DNAH8: variants seen among roughly 807,000 people sequenced by gnomAD.
DNAH8 encodes axonemal beta dynein heavy chain 8.
A neutral mutation model predicts 562.1 loss-of-function variants in DNAH8; 382 were observed. The observed-to-expected ratio is 0.68, with a 90% CI of 0.63 to 0.74. The LOEUF (loss-of-function observed/expected upper bound fraction) is 0.74, where lower values mean the gene tolerates loss of function less well. Among genes scored for constraint, DNAH8 ranks in the 30% least tolerant of loss-of-function variants. The pLI is 0.00. For missense variants in DNAH8, 5,203 were observed against 5,620.4 expected, an observed-to-expected ratio of 0.93 and a Z score of 2.37; for synonymous variants, 1,881 against 1,919.4, an observed-to-expected ratio of 0.98 and a Z score of 0.52.
chr6:38,982,350 G>C lies in DNAH8; in HGVS notation c.12839G>C (p.Arg4280Pro), dbSNP rs749782079. ...VAFLHSTVQERRKFGPLGWNI... is the reference protein window; with the variant it reads ...VAFLHSTVQEPRKFGPLGWNI... The stretch of plus-strand genomic sequence containing the variant: ...CTTTTCTTTGGTGTTTTTAAGGAGC[G>C]ACGAAAATTTGGCCCCTTAGGATGG... The change falls in exon 86 of 93, where the codon CGA (arginine) becomes CCA (proline). Residue 4280 changes from arginine to proline, a missense_variant. Physicochemically the swap from Arg to Pro is moderately radical, Grantham distance 103. Coordinates refer to ENST00000327475, the MANE Select transcript of DNAH8 (RefSeq NM_001206927.2). 6.4e-7 allele frequency: 1 copy of C among 1,554,102 alleles called. No homozygotes were observed. Among genetic ancestry groups the C allele is most frequent in the East Asian group, 2.2e-5 (1 of 44,518 alleles).
chr6:38,750,663 G>T lies in DNAH8; in HGVS notation c.1407+74G>T, dbSNP rs563167333. 2.2e-5 allele frequency: 20 copies of T among 926,956 alleles called. No homozygotes were observed. The South Asian group carries it at 2.9e-4, about 13-fold the overall frequency. 57.4% of individuals were successfully genotyped at this position (926,956 alleles called of 1,614,324 possible). On this transcript the variant is annotated intron_variant, in intron 9 of 92. Transcript: ENST00000327475. ...ATCTGTGATTCTAGCTACTCAGAAG[G>T]CTGAGGTGGAAGGATCGCTTGAGCC...
rs888196252 is a variant in DNAH8, at chr6:38,786,803, G to A, written c.2434G>A (p.Gly812Arg). 7 of 1,612,310 alleles carry A rather than the reference G, an allele frequency of 4.3e-6. No homozygotes were observed. Among genetic ancestry groups the A allele is most frequent in the African/African-American group, 1.3e-5 (1 of 74,832 alleles). Residue 812 changes from glycine (G) to arginine (R), a missense_variant, in exon 18 of 93, where the codon GGG becomes AGG. Physicochemically the swap from Gly to Arg is moderately radical, Grantham distance 125. Coordinates refer to ENST00000327475, the MANE Select transcript of DNAH8 (RefSeq NM_001206927.2). ...ATLFVRHPETGKLLVNFDPKI... is the reference protein window; with the variant it reads ...ATLFVRHPETRKLLVNFDPKI... ...GCTTTTTGTGCGACATCCAGAAACA[G>A]GGAAGTTGCTGGTTAATTTCGATCC...
chr6:38,841,667 T>G (rs1382018978), intron 33 of DNAH8, among the ~76,000 whole-genome samples: 2 of 152,188 alleles, frequency 1.3e-5, no homozygotes, highest in Non-Finnish European at 2.9e-5. Flanking sequence ...GAATTTTCCT[T>G]TACTTGGACC....
chr6:38,796,293 C>T (rs1391344908), intron 21 of DNAH8, among the ~76,000 whole-genome samples: 1 of 152,140 alleles, frequency 6.6e-6, no homozygotes, highest in African/African-American at 2.4e-5. Flanking sequence ...GCAGTGCTGG[C>T]TGGGCAGCCC....
intron 26 of DNAH8, among the ~76,000 whole-genome samples, chr6:38,816,892 C>T (rs566348760): frequency 1.3e-5 from 2 of 152,144 alleles, no homozygotes; most frequent in South Asian, 2.1e-4. Flanking sequence ...TCTTCTTTTG[C>T]AAAGTGTCTA....
intron 53 of DNAH8, among the ~76,000 whole-genome samples, chr6:38,878,769 A>G (rs1014549539): frequency 3.9e-5 from 6 of 152,204 alleles, no homozygotes; most frequent in Non-Finnish European, 8.8e-5. Context: ...ATCATCAAGA[A>G]GAACTAGATA....
At chr6:38,989,567 C>T (rs1161353964) in intron 87 of DNAH8, among the ~76,000 whole-genome samples, 1 of 152,184 alleles carries the variant, frequency 6.6e-6, no homozygotes, top group Non-Finnish European at 1.5e-5. Context: ...GGGCTCATTG[C>T]TGTGTGAGTG....
intron 24 of DNAH8, 31 bp from the exon 25 acceptor site, chr6:38,814,023 G>C: frequency 6.9e-7 from 1 of 1,447,494 alleles, no homozygotes; most frequent in Non-Finnish European, 9.7e-7. Context: ...TTAGGGTAAG[G>C]TTCATCAGCT....
rs1766550214 is a variant in DNAH8, at chr6:38,761,850, C to T, written c.1617+47C>T. The T allele has an allele frequency of 1.0e-5, 12 of 1,175,432 alleles. No individual in the cohort carries two copies. In the East Asian group the frequency reaches 3.2e-4, roughly 31 times the overall value. 72.8% of individuals were successfully genotyped at this position (1,175,432 alleles called of 1,614,324 possible). A position where few individuals can be genotyped will look rare whatever the true frequency, so the allele number is the denominator to read the frequency against. On this transcript the variant is annotated intron_variant, in intron 11 of 92. Transcript: ENST00000327475. The stretch of plus-strand genomic sequence containing the variant: ...TTCATAAACTAAATCTTTTCCCATC[C>T]TGCCCAATTTTACTTTGTTTATTCA...
intron 91 of DNAH8, among the ~76,000 whole-genome samples, chr6:39,018,926 G>A (rs1219621999): frequency 6.6e-6 from 1 of 152,242 alleles, no homozygotes; most frequent in Admixed American, 6.5e-5. Context: ...ATTTGGGGGT[G>A]TGTGAGTGAA....
At chr6:38,752,417 A>G (rs1366329463) in intron 9 of DNAH8, among the ~76,000 whole-genome samples, 1 of 152,118 alleles carries the variant, frequency 6.6e-6, no homozygotes, top group East Asian at 1.9e-4. Flanking sequence ...GCCCGCCTCC[A>G]CCTCCCAAAG....
intron 30 of DNAH8, among the ~76,000 whole-genome samples, chr6:38,830,634 C>CAA (rs56761180): frequency 9.5e-4 from 86 of 90,226 alleles, no homozygotes; most frequent in Non-Finnish European, 1.1e-3. Flanking sequence ...GACTCTATCT[C>CAA]AAAAAAAAAA....
intron 89 of DNAH8, among the ~76,000 whole-genome samples, chr6:39,011,401 C>T (rs1766199616): frequency 6.6e-6 from 1 of 152,156 alleles, no homozygotes; most frequent in African/African-American, 2.4e-5. Flanking sequence ...TCCATGTGTC[C>T]CTTCCTTGTT....
intron 10 of DNAH8, among the ~76,000 whole-genome samples, chr6:38,756,774 GT>G (rs200278427): frequency 0.037 from 5,634 of 150,796 alleles, 365 homozygotes; most frequent in African/African-American, 0.12. Context: ...TGCGGTGTTT[GT>G]TTTTTTGTCC....
intron 5 of DNAH8, 52 bp from the exon 6 acceptor site, chr6:38,737,015 G>GT: frequency 1.5e-6 from 2 of 1,315,322 alleles, no homozygotes; most frequent in Non-Finnish European, 2.0e-6. Context: ...TGATTTTTCA[G>GT]TTCTTTAGTG....
At chr6:38,715,960 A>ATATATTTTTTTTTTT (rs1372342002) in intron 1 of DNAH8, among the ~76,000 whole-genome samples, 1 of 23,628 alleles carries the variant, frequency 4.2e-5, no homozygotes, top group African/African-American at 3.6e-4. Context: ...ATATATATAT[A>ATATATTTTTTTTTTT]TTTTTTTTTT....
chr6:38,993,212 G>A (rs1764909441), intron 88 of DNAH8, among the ~76,000 whole-genome samples: 1 of 152,064 alleles, frequency 6.6e-6, no homozygotes, highest in Admixed American at 6.5e-5. Context: ...TTCAATATGT[G>A]TATTCATTTA....
Position 38,999,645 on chromosome 6 carries a change from A to G in DNAH8, c.13215-9169A>G, listed in dbSNP as rs113546802. Among the ~76,000 whole-genome samples the G allele has an allele frequency of 2.0e-3, 302 of 152,106 alleles. 1 individual carries two copies. The highest frequency in any genetic ancestry group is 6.8e-3 in the African/African-American group (284 of 41,526). On this transcript the variant is annotated intron_variant, in intron 88 of 92. Transcript: ENST00000327475. ...TTCCTGAATTTTGAAGTAGGGCATG[A>G]TCACAGTTTTTAAAAGTCATATAAA...
chr6:38,772,221 G>C (rs1425697142), intron 12 of DNAH8, among the ~76,000 whole-genome samples: 2 of 151,718 alleles, frequency 1.3e-5, no homozygotes, highest in Admixed American at 6.6e-5. Context: ...GTAGAGACAG[G>C]GTTTCACCGT....
Sources: allele counts gnomAD v4.1 joint callset (sites outside exome capture counted in the v4.1 genomes callset), GRCh38; gene constraint gnomAD v4.1.1; transcripts MANE v1.5; gene names NCBI Gene and HGNC (gene_info 2026-07-23, HGNC 2026-07-21).